The following ARHGEF12 variants were observed in gnomAD, a reference collection of about 807,000 sequenced individuals.
The protein encoded by ARHGEF12 is KMT2A/ARHGEF12 fusion protein.
In ARHGEF12, 66 loss-of-function variants were observed where a neutral mutation model predicts 211.2. The observed-to-expected ratio is 0.31, with a 90% CI of 0.26 to 0.38. The LOEUF (loss-of-function observed/expected upper bound fraction) is 0.38. Among genes scored for constraint, ARHGEF12 ranks in the 10% least tolerant of loss-of-function variants. ARHGEF12 has a pLI of 1.00. For missense variants in ARHGEF12, 1,429 were observed against 1,869.5 expected (o/e 0.76, Z 4.34); for synonymous variants, 592 against 638.4 (o/e 0.93, Z 1.09).
intron 1 of ARHGEF12, among the ~76,000 whole-genome samples, chr11:120,366,195 G>T (rs886597364): frequency 6.6e-6 from 1 of 152,198 alleles, no homozygotes; most frequent in African/African-American, 2.4e-5. Flanking sequence ...GTATCAGGCT[G>T]CAGTAAGCCA....
chr11:120,423,424 T>A (rs982782998), intron 6 of ARHGEF12, among the ~76,000 whole-genome samples: 7 of 152,144 alleles, frequency 4.6e-5, no homozygotes, highest in African/African-American at 1.7e-4. Flanking sequence ...GAAATAAGTG[T>A]ACAAATGTGA....
intron 35 of ARHGEF12, 41 bp from the exon 36 acceptor site, chr11:120,477,406 C>G: frequency 6.5e-7 from 1 of 1,549,842 alleles, no homozygotes; most frequent in South Asian, 1.2e-5. Flanking sequence ...TTAGATACCT[C>G]AGGAAGGTAA....
At chr11:120,341,589 C>T (rs1942538515) in intron 1 of ARHGEF12, among the ~76,000 whole-genome samples, 3 of 152,154 alleles carry the variant, frequency 2.0e-5, no homozygotes, top group Non-Finnish European at 4.4e-5. Flanking sequence ...CAAACTGATA[C>T]GGGTCACAGA....
At chr11:120,356,388 T>G (rs939712382) in intron 1 of ARHGEF12, among the ~76,000 whole-genome samples, 2 of 151,640 alleles carry the variant, frequency 1.3e-5, no homozygotes, top group Admixed American at 1.3e-4. Flanking sequence ...ACCTGGCTAA[T>G]TTTTTTTTAA....
intron 24 of ARHGEF12, 76 bp from the exon 25 acceptor site, chr11:120,458,004 G>C: frequency 6.8e-7 from 1 of 1,480,670 alleles, no homozygotes; most frequent in Admixed American, 2.3e-5. Flanking sequence ...AGAATTTATT[G>C]TAATATAAAG....
chr11:120,368,444 G>C (rs1943492750), intron 1 of ARHGEF12, among the ~76,000 whole-genome samples: 1 of 152,166 alleles, frequency 6.6e-6, no homozygotes, highest in African/African-American at 2.4e-5. Flanking sequence ...TGCCTGACCT[G>C]AGTAGCCTTT....
intron 12 of ARHGEF12, chr11:120,438,374 C>T (rs1160523820): frequency 6.6e-6 from 1 of 151,978 alleles, no homozygotes; most frequent in Non-Finnish European, 1.5e-5. Context: ...AACTCCTGAC[C>T]TCAGGTGATC....
chr11:120,465,111 A>G, intron 27 of ARHGEF12, 126 bp from the exon 28 acceptor site: 1 of 1,196,284 alleles, frequency 8.4e-7, no homozygotes, highest in Non-Finnish European at 1.2e-6. Flanking sequence ...TATTCCACAT[A>G]GATATGCAGT....
At chr11:120,363,963 G>T (rs906978038) in intron 1 of ARHGEF12, among the ~76,000 whole-genome samples, 2 of 152,128 alleles carry the variant, frequency 1.3e-5, no homozygotes, top group Non-Finnish European at 1.5e-5. Context: ...TCACTTGTTT[G>T]GGGGGCTGTT....
intron 1 of ARHGEF12, among the ~76,000 whole-genome samples, chr11:120,365,491 T>C (rs1051170781): frequency 2.0e-5 from 3 of 152,218 alleles, no homozygotes; most frequent in Admixed American, 1.3e-4. Context: ...GGTGTTTAAA[T>C]GTAATACATT....
At chr11:120,445,772 C>G (rs1190622188) in intron 16 of ARHGEF12, among the ~76,000 whole-genome samples, 1 of 152,120 alleles carries the variant, frequency 6.6e-6, no homozygotes, top group Non-Finnish European at 1.5e-5. Context: ...ATGGTGCATG[C>G]CTGTAATCCC....
chr11:120,415,773 TAGAC>T (rs777445038), intron 4 of ARHGEF12, among the ~76,000 whole-genome samples: 48 of 152,218 alleles, frequency 3.2e-4, no homozygotes, highest in East Asian at 3.9e-4. Flanking sequence ...ACACCACAGA[TAGAC>T]AGGACAGAAT....
chr11:120,457,448 G>A (rs1454494533), intron 23 of ARHGEF12, 198 bp downstream of exon 23: 4 of 502,592 alleles, frequency 8.0e-6, no homozygotes, highest in African/African-American at 4.0e-5. Context: ...GGGCAACGTA[G>A]TGAGCCCCCA....
chr11:120,388,821 A>C (rs527493825), intron 1 of ARHGEF12, among the ~76,000 whole-genome samples: 1 of 152,006 alleles, frequency 6.6e-6, no homozygotes, highest in East Asian at 1.9e-4. Context: ...GGGTTGTAAG[A>C]GTTCCTTATA....
chr11:120,446,358 C>T (rs773644572), intron 16 of ARHGEF12, 45 bp from the exon 17 acceptor site: 2 of 1,476,654 alleles, frequency 1.4e-6, no homozygotes, highest in South Asian at 2.4e-5. Context: ...TTGTATGTTG[C>T]CCAGAACATA....
chr11:120,373,992 A>G (rs1454323220), intron 1 of ARHGEF12, among the ~76,000 whole-genome samples: 1 of 152,074 alleles, frequency 6.6e-6, no homozygotes, highest in Non-Finnish European at 1.5e-5. Context: ...TTTTTAGTAG[A>G]GACAAGGTTT....
At chr11:120,382,945 C>T (rs981652746) in intron 1 of ARHGEF12, among the ~76,000 whole-genome samples, 1 of 152,166 alleles carries the variant, frequency 6.6e-6, no homozygotes, top group Non-Finnish European at 1.5e-5. Context: ...TGAGACCATC[C>T]TGGCTAACAT....
intron 11 of ARHGEF12, among the ~76,000 whole-genome samples, chr11:120,432,737 T>C (rs1441324631): frequency 6.6e-6 from 1 of 152,234 alleles, no homozygotes; most frequent in African/African-American, 2.4e-5. Flanking sequence ...ACACATCTAC[T>C]ATTTAACAAT....
intron 26 of ARHGEF12, among the ~76,000 whole-genome samples, chr11:120,459,590 A>G (rs1946463086): frequency 6.6e-6 from 1 of 152,102 alleles, no homozygotes. Flanking sequence ...AAAATTTTCT[A>G]TCAATTATAG....
Sources: allele counts gnomAD v4.1 joint callset (sites outside exome capture counted in the v4.1 genomes callset), GRCh38; gene constraint gnomAD v4.1.1; transcripts MANE v1.5; gene names NCBI Gene and HGNC (gene_info 2026-07-23, HGNC 2026-07-21).